Variants in SASH1 observed in about 807,000 individuals in gnomAD.
SASH1 encodes the protein SAM and SH3 domain containing 1.
A neutral mutation model predicts 125.2 loss-of-function variants in SASH1; 44 were observed. The ratio of observed to expected loss-of-function variants is 0.35; its 90% CI spans 0.28 to 0.45. The LOEUF is 0.45. Ranked by LOEUF, SASH1 falls within the 20% of genes least tolerant of loss-of-function variation. The probability of loss-of-function intolerance (pLI) is 1.00; values close to 1 mark genes in which losing one functional copy is unlikely to be tolerated. For missense variants in SASH1, 1,426 were observed against 1,614.5 expected (o/e 0.88, Z 2.00); for synonymous variants, 639 against 649.1 (o/e 0.98, Z 0.24).
At chr6:148,225,736 A>T in the SASH1 span, among the ~76,000 whole-genome samples, 2 of 152,224 alleles carry the variant, frequency 1.3e-5, no homozygotes, top group African/African-American at 4.8e-5. Context: ...TTTAAAATAA[A>T]ATAAAAATAA....
intron 1 of SASH1, among the ~76,000 whole-genome samples, chr6:148,312,139 C>T (rs566005737): frequency 5.3e-5 from 8 of 152,132 alleles, no homozygotes; most frequent in South Asian, 2.1e-4. Context: ...GTTTGGTGGT[C>T]GGGGGACGAG....
intron 16 of SASH1, among the ~76,000 whole-genome samples, chr6:148,538,380 C>T (rs1232426657): frequency 1.3e-5 from 2 of 152,186 alleles, no homozygotes; most frequent in Non-Finnish European, 2.9e-5. Flanking sequence ...TAATGGATAG[C>T]ACAAAGCCCT....
intron 2 of SASH1, 58 bp downstream of exon 2, chr6:148,390,320 T>G (rs1178968122): frequency 6.5e-7 from 1 of 1,546,992 alleles, no homozygotes; most frequent in East Asian, 2.4e-5. Context: ...ATTTGGGCTT[T>G]TCCTTGGTCT....
chr6:148,532,921 C>T lies in SASH1; in HGVS notation c.1689C>T (p.Thr563=), dbSNP rs757013020. The T allele has an allele frequency of 8.7e-6, 14 of 1,614,052 alleles. No homozygotes were observed. Among genetic ancestry groups the T allele is most frequent in the African/African-American group, 4.0e-5 (3 of 74,912 alleles). The change falls in exon 14 of 20, where the codon ACC becomes ACT. Residue 563 remains threonine (T), a synonymous_variant. Transcript: ENST00000367467. This position sits in a 1 kb window ranked among gnomAD's most constrained non-coding sequence, Gnocchi z 4.7. The part of the protein sequence containing the change: ...GPFCGRARVH[T]DFTPSPYDTD... The stretch of plus-strand genomic sequence containing the variant: ...TCTGCGGGCGTGCCAGGGTGCACAC[C>T]GACTTCACCCCCAGTCCCTATGACA...
intron 1 of SASH1, among the ~76,000 whole-genome samples, chr6:148,296,964 G>T (rs1779781946): frequency 6.6e-6 from 1 of 152,236 alleles, no homozygotes; most frequent in Non-Finnish European, 1.5e-5. Context: ...TGCAGCTGTG[G>T]ATGCTTTTCC....
At chr6:148,434,441 A>T (rs1019076466) in intron 2 of SASH1, among the ~76,000 whole-genome samples, 3 of 152,180 alleles carry the variant, frequency 2.0e-5, no homozygotes, top group Admixed American at 2.0e-4. Flanking sequence ...ACATGCTTGT[A>T]AAAAAATTCA....
intron 1 of SASH1, among the ~76,000 whole-genome samples, chr6:148,323,898 A>G (rs924833006): frequency 2.0e-5 from 3 of 151,970 alleles, no homozygotes; most frequent in African/African-American, 7.2e-5. Flanking sequence ...AGGCCGAGGC[A>G]GGAGGATCAC....
At chr6:148,340,059 G>C (rs2114622971), upstream of SASH1, among the ~76,000 whole-genome samples, 1 of 152,276 alleles carries the variant, frequency 6.6e-6, no homozygotes, top group South Asian at 2.1e-4. Flanking sequence ...TGGAGAGTCA[G>C]GCTTCATCCT....
intron 2 of SASH1, among the ~76,000 whole-genome samples, chr6:148,390,928 T>A (rs112015549): frequency 5.3e-4 from 81 of 152,246 alleles, no homozygotes; most frequent in African/African-American, 1.8e-3. Context: ...CAGCTTTCGT[T>A]CCTTTTTTCT....
chr6:148,516,713 C>T lies in SASH1; in HGVS notation c.862+2257C>T, dbSNP rs373291734. ...GTAAGCACTTACACCATCCTCATTTCGAAAATGAGGAACCTGAGACTCAAA... is the reference window on the plus strand; with the variant it reads ...GTAAGCACTTACACCATCCTCATTTTGAAAATGAGGAACCTGAGACTCAAA... On this transcript the variant is annotated intron_variant, in intron 9 of 19. Coordinates refer to ENST00000367467, the MANE Select transcript of SASH1 (RefSeq NM_015278.5). Among the ~76,000 whole-genome samples, 8 of 151,496 alleles carry T rather than the reference C, an allele frequency of 5.3e-5. No homozygotes were observed. The East Asian group carries it at 9.7e-4, about 18-fold the overall frequency.
chr6:148,480,029 G>A (rs1215242795), intron 7 of SASH1: 2 of 152,540 alleles, frequency 1.3e-5, no homozygotes, highest in Middle Eastern at 3.4e-3. Flanking sequence ...TGTCCGTGGA[G>A]AGGATCTACC....
chr6:148,417,650 A>G (rs1047095167), intron 2 of SASH1, among the ~76,000 whole-genome samples: 5 of 151,444 alleles, frequency 3.3e-5, no homozygotes, highest in Non-Finnish European at 7.4e-5. Context: ...GACTCCACAG[A>G]GCCTGCCACC....
rs1355027180 is a variant in SASH1, at chr6:148,537,828, GT to G, written c.2096-2614del. 4.3e-5 allele frequency among the ~76,000 whole-genome samples: 6 copies of G among 140,410 alleles called. No individual in the cohort carries two copies. The South Asian group carries it at 9.0e-4, about 21-fold the overall frequency. 92.1% of individuals were successfully genotyped at this position (140,410 alleles called of 152,430 possible). A position where few individuals can be genotyped will look rare whatever the true frequency, so the allele number is the denominator to read the frequency against. ...TGTGTGTGTGTGTGTGTGTGTGTGT[GT>G]GTGGTTGGTGAGGCTGGAGGCAGAG... On this transcript the variant is annotated intron_variant, in intron 16 of 19. Coordinates refer to ENST00000367467, the MANE Select transcript of SASH1 (RefSeq NM_015278.5).
the SASH1 span, among the ~76,000 whole-genome samples, chr6:148,242,564 T>G: frequency 6.6e-6 from 1 of 152,260 alleles, no homozygotes; most frequent in Non-Finnish European, 1.5e-5. Flanking sequence ...CACTTGCTTT[T>G]CACACCTCAA....
chr6:148,360,646 C>CCA (rs1324369958), intron 1 of SASH1, among the ~76,000 whole-genome samples: 2,532 of 148,804 alleles, frequency 0.017, 54 homozygotes, highest in Middle Eastern at 0.038. Flanking sequence ...ACCCCCCCGC[C>CCA]AGGCTTTAAA....
intron 2 of SASH1, among the ~76,000 whole-genome samples, chr6:148,399,211 C>CTTTTTTTTTT (rs1784072901): frequency 8.2e-6 from 1 of 121,350 alleles, no homozygotes; most frequent in African/African-American, 3.3e-5. Context: ...ACAATTTCAG[C>CTTTTTTTTTT]TTCTTTTTTT....
At chr6:148,406,781 G>A (rs1259960805) in intron 2 of SASH1, among the ~76,000 whole-genome samples, 40 of 150,672 alleles carry the variant, frequency 2.7e-4, no homozygotes, top group African/African-American at 9.7e-4. Context: ...GCTCTCCAAG[G>A]GAGGAGCAGA....
At chr6:148,410,196 C>T (rs1008356058) in intron 2 of SASH1, among the ~76,000 whole-genome samples, 14 of 147,248 alleles carry the variant, frequency 9.5e-5, no homozygotes, top group Non-Finnish European at 1.5e-4. Flanking sequence ...CTGCAACCTC[C>T]GCCTCCCGGG....
intron 1 of SASH1, among the ~76,000 whole-genome samples, chr6:148,351,505 G>T (rs1181919705): frequency 1.3e-5 from 2 of 151,872 alleles, no homozygotes; most frequent in Non-Finnish European, 2.9e-5. Context: ...ACTCTGCCTG[G>T]TTGTGGCTTC....
Sources: allele counts gnomAD v4.1 joint callset (sites outside exome capture counted in the v4.1 genomes callset), GRCh38; gene constraint gnomAD v4.1.1; non-coding constraint Gnocchi (gnomAD v3.1); transcripts MANE v1.5; gene names NCBI Gene and HGNC (gene_info 2026-07-23, HGNC 2026-07-21).